Variants in SLC35F1 observed in about 807,000 individuals in gnomAD.
SLC35F1 encodes chromosome 6 open reading frame 169.
In SLC35F1, 14 loss-of-function variants were observed where a neutral mutation model predicts 48.7. That is an observed-to-expected ratio of 0.29 (90% CI 0.19 to 0.45). The LOEUF is 0.45. Among genes scored for constraint, SLC35F1 ranks in the 20% least tolerant of loss-of-function variants. SLC35F1 has a pLI of 1.00. For missense variants in SLC35F1, 404 were observed against 500.0 expected (o/e 0.81, Z 1.83); for synonymous variants, 190 against 202.2 (o/e 0.94, Z 0.51).
chr6:118,133,429 A>G (rs1013928861), intron 1 of SLC35F1, among the ~76,000 whole-genome samples: 18 of 152,338 alleles, frequency 1.2e-4, no homozygotes, highest in African/African-American at 4.1e-4. Context: ...GTTTTTAGAT[A>G]CATAAATGAC....
chr6:118,119,339 A>G (rs1773519620), intron 1 of SLC35F1, among the ~76,000 whole-genome samples: 1 of 152,210 alleles, frequency 6.6e-6, no homozygotes, highest in Non-Finnish European at 1.5e-5. Flanking sequence ...TGTACCAAAA[A>G]GTAATTTTCA....
chr6:118,087,885 T>C (rs1020563681), intron 1 of SLC35F1, among the ~76,000 whole-genome samples: 1 of 152,240 alleles, frequency 6.6e-6, no homozygotes, highest in African/African-American at 2.4e-5. Flanking sequence ...TTTGTTATCA[T>C]GTTTATCTTT....
Position 117,923,608 on chromosome 6 carries a change from CATATACATAT to C in SLC35F1, c.173+15710_173+15719del, listed in dbSNP as rs1775936714. Among the ~76,000 whole-genome samples the C allele has an allele frequency of 7.7e-4, 20 of 26,074 alleles. 4 individuals are homozygous for C. The highest frequency in any genetic ancestry group is 7.2e-3 in the Admixed American group (18 of 2,508). 17.1% of individuals were successfully genotyped at this position (26,074 alleles called of 152,430 possible). On this transcript the variant is annotated intron_variant, in intron 1 of 7. Coordinates refer to ENST00000360388, the MANE Select transcript of SLC35F1 (RefSeq NM_001029858.4). Reference sequence around the variant, plus strand: ...GTATATATACATATGTGTATATATACATATACATATGTATATATACATATATGTACATATG... The same window carrying C: ...GTATATATACATATGTGTATATATACGTATATATACATATATGTACATATG...
chr6:117,952,175 T>A (rs1278398065), intron 1 of SLC35F1, among the ~76,000 whole-genome samples: 2 of 152,226 alleles, frequency 1.3e-5, no homozygotes, highest in Non-Finnish European at 2.9e-5. Context: ...TGTGTGTGTC[T>A]GTATGAGTGT....
At position 118,265,296 on chromosome 6, in the gene SLC35F1, G is replaced by T. The variant is rs281859; in HGVS notation, c.478-1699G>T. Among the ~76,000 whole-genome samples, 3 of 152,170 alleles carry T rather than the reference G, an allele frequency of 2.0e-5. No homozygotes were observed. The East Asian group carries it at 5.8e-4, about 29-fold the overall frequency. ...TGGAGACTCTATTTTGATGTTTCTG[G>T]TCATTAAAAATCTTTGTATATATTT... On this transcript the variant is annotated intron_variant, in intron 3 of 7. Coordinates refer to ENST00000360388, the MANE Select transcript of SLC35F1 (RefSeq NM_001029858.4).
chr6:118,060,940 C>T (rs890317602), intron 1 of SLC35F1, among the ~76,000 whole-genome samples: 1 of 152,202 alleles, frequency 6.6e-6, no homozygotes, highest in African/African-American at 2.4e-5. Flanking sequence ...GCTCAGGCAC[C>T]ATAGCCCAGT....
chr6:118,290,664 CA>C (rs1776109662), intron 7 of SLC35F1, among the ~76,000 whole-genome samples: 1 of 152,118 alleles, frequency 6.6e-6, no homozygotes, highest in South Asian at 2.1e-4. Context: ...GTTTCATCCT[CA>C]GGGCCCTACT....
chr6:118,136,720 A>G (rs1255553202), intron 1 of SLC35F1, among the ~76,000 whole-genome samples: 1 of 152,224 alleles, frequency 6.6e-6, no homozygotes, highest in Non-Finnish European at 1.5e-5. Flanking sequence ...GGGATTGTCA[A>G]TGGAACCAAA....
At chr6:117,984,322 A>G (rs1776820444) in intron 1 of SLC35F1, among the ~76,000 whole-genome samples, 1 of 152,012 alleles carries the variant, frequency 6.6e-6, no homozygotes, top group African/African-American at 2.4e-5. Flanking sequence ...ACGCAGTGAA[A>G]CCCTGTCTCT....
chr6:118,126,234 A>G (rs556821334), intron 1 of SLC35F1, among the ~76,000 whole-genome samples: 40 of 152,244 alleles, frequency 2.6e-4, no homozygotes, highest in African/African-American at 9.1e-4. Flanking sequence ...TTAGGATTAG[A>G]TGGATTAATT....
At position 118,201,066 on chromosome 6, in the gene SLC35F1, C is replaced by T. The variant is rs144093902; in HGVS notation, c.350-34443C>T. Among the ~76,000 whole-genome samples, 22 of 152,204 alleles carry T rather than the reference C, an allele frequency of 1.4e-4. No homozygotes were observed. The East Asian group carries it at 4.1e-3, about 28-fold the overall frequency. ...AGCTGGGACTACAGGTGCATGCCAC[C>T]ATGCCCAGCTAATTATTTCTTATTT... is the stretch of plus-strand genomic sequence containing the variant. On this transcript the variant is annotated intron_variant, in intron 2 of 7. Coordinates refer to ENST00000360388, the MANE Select transcript of SLC35F1 (RefSeq NM_001029858.4).
At chr6:118,271,906 T>C (rs1489019206) in intron 4 of SLC35F1, among the ~76,000 whole-genome samples, 1 of 152,192 alleles carries the variant, frequency 6.6e-6, no homozygotes, top group Non-Finnish European at 1.5e-5. Flanking sequence ...CATGTCATAT[T>C]TTATTTTATT....
At chr6:118,240,752 G>T (rs1439057494) in intron 3 of SLC35F1, among the ~76,000 whole-genome samples, 1 of 152,204 alleles carries the variant, frequency 6.6e-6, no homozygotes, top group Non-Finnish European at 1.5e-5. Flanking sequence ...AGTTGGAAGG[G>T]AAAGAGATTC....
chr6:118,283,252 A>T (rs1474152789), intron 6 of SLC35F1, among the ~76,000 whole-genome samples: 1 of 152,132 alleles, frequency 6.6e-6, no homozygotes, highest in Non-Finnish European at 1.5e-5. Context: ...TTGGTCCTTC[A>T]GCACTCGAGG....
chr6:117,917,413 A>G (rs1421052667), intron 1 of SLC35F1, among the ~76,000 whole-genome samples: 1 of 151,804 alleles, frequency 6.6e-6, no homozygotes, highest in Non-Finnish European at 1.5e-5. Context: ...GGAGAAGTAC[A>G]TACCTACTAG....
rs1413887742 is a variant in SLC35F1 at position 118,315,273 on chromosome 6, C to T, written c.*1021C>T. The stretch of plus-strand genomic sequence containing the variant: ...TTATTGTGGAAAATCATTGGTTGTG[C>T]CACCTCCTAACAAAGTCAAGGTGCT... On this transcript the variant is annotated 3_prime_UTR_variant, in exon 8 of 8. Coordinates refer to ENST00000360388, the MANE Select transcript of SLC35F1 (RefSeq NM_001029858.4). 1 of 152,480 alleles carries T rather than the reference C, an allele frequency of 6.6e-6. No homozygotes were observed. The highest frequency in any genetic ancestry group is 1.5e-5 in the Non-Finnish European group (1 of 68,012). The allele number at this position is 152,480 out of a possible 1,614,324, so 9.4% of individuals were successfully genotyped here.
At position 118,315,576 on chromosome 6, in the gene SLC35F1, A is replaced by C. The variant is rs1208569479; in HGVS notation, c.*1324A>C. ...TGCCTCAGCCTCCCGAGTAGCTGGG[A>C]CTACAGGCACCTGCCACGACGCCCA... On this transcript the variant is annotated 3_prime_UTR_variant, in exon 8 of 8. Coordinates refer to ENST00000360388, the MANE Select transcript of SLC35F1 (RefSeq NM_001029858.4). The C allele has an allele frequency of 6.6e-6, 1 of 151,404 alleles. No homozygotes were observed. Among genetic ancestry groups the C allele is most frequent in the African/African-American group, 2.4e-5 (1 of 41,098 alleles). 9.4% of individuals were successfully genotyped at this position (151,404 alleles called of 1,614,324 possible).
intron 1 of SLC35F1, among the ~76,000 whole-genome samples, chr6:118,085,471 T>A (rs1261882310): frequency 1.3e-5 from 2 of 149,864 alleles, no homozygotes; most frequent in African/African-American, 4.9e-5. Context: ...GTTTTCTCTT[T>A]TTTTTTCTTT....
intron 3 of SLC35F1, among the ~76,000 whole-genome samples, chr6:118,237,485 C>T (rs1562335250): frequency 6.6e-6 from 1 of 152,152 alleles, no homozygotes; most frequent in East Asian, 1.9e-4. Context: ...ACTTCCTGGG[C>T]TAAAGCGATC....
Sources: gnomAD v4.1 joint callset for allele counts (sites outside exome capture counted in the v4.1 genomes callset) on GRCh38, gnomAD v4.1.1 for gene constraint, MANE v1.5 for transcripts, NCBI Gene and HGNC (gene_info 2026-07-23, HGNC 2026-07-21) for gene names.